The following CCBE1 variants were observed in gnomAD, a reference collection of about 807,000 sequenced individuals.
The protein encoded by CCBE1 is collagen and calcium binding EGF domains 1, also known as collagen and calcium-binding EGF domain-containing protein 1.
A neutral mutation model predicts 50.0 loss-of-function variants in CCBE1; 37 were observed. The observed-to-expected ratio is 0.74, with a 90% confidence interval of 0.57 to 0.97. The LOEUF (loss-of-function observed/expected upper bound fraction) is 0.97, where lower values mean the gene tolerates loss of function less well. Among genes scored for constraint, CCBE1 ranks in the 50% least tolerant of loss-of-function variants. The probability of loss-of-function intolerance (pLI) is 0.00; values close to 1 mark genes in which losing one functional copy is unlikely to be tolerated. For missense variants in CCBE1, 538 were observed against 523.8 expected, an observed-to-expected ratio of 1.03 and a Z score of -0.26; for synonymous variants, 234 against 203.7, an observed-to-expected ratio of 1.15 and a Z score of -1.27.
rs1911512218 is a variant in CCBE1, at chr18:59,462,115, G to A, written c.553+4624C>T. On this transcript the variant is annotated intron_variant, in intron 5 of 10. Coordinates refer to ENST00000439986, the MANE Select transcript of CCBE1 (RefSeq NM_133459.4). The stretch of plus-strand genomic sequence containing the variant: ...CCAGCAGAATGCTCTTGATTAAACA[G>A]GACATCCCTCATTATAGTCACTTGT... 2.0e-5 allele frequency among the ~76,000 whole-genome samples: 3 copies of A among 152,146 alleles called. No homozygotes were observed. The South Asian group carries it at 6.2e-4, about 32-fold the overall frequency.
chr18:59,615,335 T>C (rs996731050), intron 2 of CCBE1, among the ~76,000 whole-genome samples: 2 of 152,228 alleles, frequency 1.3e-5, no homozygotes, highest in Admixed American at 6.5e-5. Flanking sequence ...CAGAATCTGT[T>C]GCTTTTGTTC....
intron 2 of CCBE1, among the ~76,000 whole-genome samples, chr18:59,670,128 G>C (rs912986479): frequency 2.7e-5 from 4 of 148,016 alleles, no homozygotes; most frequent in Non-Finnish European, 4.5e-5. Context: ...AAAGCAGGAG[G>C]GGGTGGGGGA....
At chr18:59,461,778 A>G (rs113940923) in intron 5 of CCBE1, among the ~76,000 whole-genome samples, 5,830 of 140,706 alleles carry the variant, frequency 0.041, 325 homozygotes, top group East Asian at 0.2. Context: ...TTGTTGCCCA[A>G]GCCAAGTGCA....
chr18:59,599,811 G>A (rs1003865214), intron 2 of CCBE1, among the ~76,000 whole-genome samples: 2 of 152,192 alleles, frequency 1.3e-5, no homozygotes, highest in Non-Finnish European at 1.5e-5. Flanking sequence ...GACAGGCTCC[G>A]AAACAGACTT....
chr18:59,626,702 C>A (rs2053789991), intron 2 of CCBE1, among the ~76,000 whole-genome samples: 1 of 152,266 alleles, frequency 6.6e-6, no homozygotes, highest in Non-Finnish European at 1.5e-5. Flanking sequence ...CAAGACTGGC[C>A]TTGTGGCCCT....
At chr18:59,501,063 C>T (rs1913595679) in intron 2 of CCBE1, among the ~76,000 whole-genome samples, 1 of 152,328 alleles carries the variant, frequency 6.6e-6, no homozygotes, top group Admixed American at 6.5e-5. Context: ...ATGGGTTACA[C>T]CTAGGATTTC....
intron 2 of CCBE1, among the ~76,000 whole-genome samples, chr18:59,571,214 T>G (rs1282909543): frequency 6.6e-6 from 1 of 152,120 alleles, no homozygotes; most frequent in Non-Finnish European, 1.5e-5. Context: ...TTGCTTTACA[T>G]TATTATGTAA....
intron 2 of CCBE1, among the ~76,000 whole-genome samples, chr18:59,511,550 A>C (rs953995951): frequency 6.6e-6 from 1 of 152,258 alleles, no homozygotes; most frequent in African/African-American, 2.4e-5. Flanking sequence ...TATAATGTGT[A>C]AAGATTAAAT....
intron 10 of CCBE1, 28 bp downstream of exon 10, chr18:59,438,083 G>A (rs530566950): frequency 6.2e-7 from 1 of 1,613,402 alleles, no homozygotes; most frequent in South Asian, 1.1e-5. Flanking sequence ...CGTTCCCCTG[G>A]GGAAGCAGGA....
At chr18:59,633,392 A>G (rs984600466) in intron 2 of CCBE1, among the ~76,000 whole-genome samples, 2 of 152,216 alleles carry the variant, frequency 1.3e-5, no homozygotes, top group African/African-American at 4.8e-5. Context: ...ATCACTGCAG[A>G]TCATTTTTCC....
chr18:59,634,541 A>G (rs977871499), intron 2 of CCBE1, among the ~76,000 whole-genome samples: 3 of 152,232 alleles, frequency 2.0e-5, no homozygotes, highest in Admixed American at 2.0e-4. Context: ...GTTCCCAATA[A>G]AAAGTGAAAA....
At chr18:59,452,811 T>C (rs1160605869) in intron 6 of CCBE1, among the ~76,000 whole-genome samples, 1 of 152,212 alleles carries the variant, frequency 6.6e-6, no homozygotes, top group Non-Finnish European at 1.5e-5. Context: ...TAGGAACCTT[T>C]AGAAATAAAT....
rs1474116106 is a variant in CCBE1, at chr18:59,463,770, C to T, written c.553+2969G>A. Among the ~76,000 whole-genome samples the T allele has an allele frequency of 3.9e-5, 6 of 152,180 alleles. No homozygotes were observed. The South Asian group carries it at 6.2e-4, about 16-fold the overall frequency. Reference sequence around the variant, plus strand: ...TGCTGGGGTTCCCGGTGATTATGCTCAAGCATAAGCCTTGGTTGCTGGAGG... The same window carrying T: ...TGCTGGGGTTCCCGGTGATTATGCTTAAGCATAAGCCTTGGTTGCTGGAGG... On this transcript the variant is annotated intron_variant, in intron 5 of 10. Coordinates refer to ENST00000439986, the MANE Select transcript of CCBE1 (RefSeq NM_133459.4).
At chr18:59,451,505 C>A (rs907184796) in intron 6 of CCBE1, among the ~76,000 whole-genome samples, 4 of 151,616 alleles carry the variant, frequency 2.6e-5, no homozygotes, top group African/African-American at 9.7e-5. Context: ...GGACAGAGAC[C>A]CATCTAAAAG....
At chr18:59,661,214 G>A (rs1465638654) in intron 2 of CCBE1, among the ~76,000 whole-genome samples, 1 of 145,558 alleles carries the variant, frequency 6.9e-6, no homozygotes, top group African/African-American at 2.4e-5. Flanking sequence ...AATATTTTTG[G>A]TCTAGCACAA....
At chr18:59,553,756 G>A (rs1916013088) in intron 2 of CCBE1, among the ~76,000 whole-genome samples, 1 of 152,212 alleles carries the variant, frequency 6.6e-6, no homozygotes, top group African/African-American at 2.4e-5. Flanking sequence ...AGCTACCCGG[G>A]TCAGCCACAG....
chr18:59,448,759 G>A (rs754962863), intron 6 of CCBE1, among the ~76,000 whole-genome samples: 1 of 152,154 alleles, frequency 6.6e-6, no homozygotes, highest in Non-Finnish European at 1.5e-5. Context: ...CAATTCCCCT[G>A]TGATTGTTAC....
chr18:59,461,833 A>G (rs932037377), intron 5 of CCBE1, among the ~76,000 whole-genome samples: 1 of 150,046 alleles, frequency 6.7e-6, no homozygotes, highest in Non-Finnish European at 1.5e-5. Context: ...CCTGGGTTCA[A>G]GCGATTCTCC....
intron 2 of CCBE1, among the ~76,000 whole-genome samples, chr18:59,578,108 C>T (rs893099976): frequency 9.2e-5 from 14 of 151,694 alleles, no homozygotes; most frequent in African/African-American, 2.9e-4. Flanking sequence ...CTGAAATGTA[C>T]AAGAAAAAAA....
Sources: allele counts gnomAD v4.1 joint callset (sites outside exome capture counted in the v4.1 genomes callset), GRCh38; gene constraint gnomAD v4.1.1; transcripts MANE v1.5; gene names NCBI Gene and HGNC (gene_info 2026-07-23, HGNC 2026-07-21).